Variants in ZFR2 observed in about 807,000 individuals in gnomAD.
The protein encoded by ZFR2 is zinc finger RNA binding protein 2.
A neutral mutation model predicts 105.7 loss-of-function variants in ZFR2; 104 were observed. The observed-to-expected ratio is 0.98, with a 90% CI of 0.84 to 1.16. The LOEUF is 1.16. ZFR2 is among the 50% of genes most tolerant of loss of function. The probability of loss-of-function intolerance (pLI) is 0.00; values close to 1 mark genes in which losing one functional copy is unlikely to be tolerated. For synonymous variants in ZFR2, 634 were observed against 597.7 expected (o/e 1.06, Z -0.89); for missense variants, 1,425 against 1,355.5 (o/e 1.05, Z -0.80).
chr19:3,804,883 T>G lies in ZFR2; in HGVS notation c.*1066A>C, dbSNP rs2037680806. 6.5e-6 allele frequency: 1 copy of G among 153,342 alleles called. No individual in the cohort carries two copies. The highest frequency in any genetic ancestry group is 2.0e-4 in the South Asian group (1 of 4,974). 9.5% of individuals were successfully genotyped at this position (153,342 alleles called of 1,614,324 possible). The stretch of plus-strand genomic sequence containing the variant: ...AAAGTTTTGTTTGTTTGTTTGTTTG[T>G]TTGTTTGTTTCTTTGAGACAGGGTC... On this transcript the variant is annotated 3_prime_UTR_variant, in exon 19 of 19. Transcript: ENST00000262961.
chr19:3,865,279 G>A (rs1484845231), intron 1 of ZFR2, among the ~76,000 whole-genome samples: 1 of 152,166 alleles, frequency 6.6e-6, no homozygotes, highest in Non-Finnish European at 1.5e-5. Context: ...CAATTAAGCA[G>A]TTCAGATACC....
intron 17 of ZFR2, among the ~76,000 whole-genome samples, chr19:3,808,200 T>C (rs1197289151): frequency 2.7e-5 from 4 of 146,034 alleles, no homozygotes; most frequent in South Asian, 2.2e-4. Context: ...CGTGCCTGTG[T>C]ATGTGCGTGT....
intron 1 of ZFR2, among the ~76,000 whole-genome samples, chr19:3,852,919 T>C (rs1381775863): frequency 6.6e-6 from 1 of 152,198 alleles, no homozygotes; most frequent in Non-Finnish European, 1.5e-5. Flanking sequence ...CCAGGGACGC[T>C]GTTCAGCACC....
intron 1 of ZFR2, among the ~76,000 whole-genome samples, chr19:3,853,796 G>A (rs1005991841): frequency 6.6e-6 from 1 of 152,038 alleles, no homozygotes; most frequent in African/African-American, 2.4e-5. Context: ...GGCTGGGTGT[G>A]GTGGCTCACA....
intron 1 of ZFR2, among the ~76,000 whole-genome samples, chr19:3,851,194 C>G (rs1426208581): frequency 6.6e-6 from 1 of 152,124 alleles, no homozygotes; most frequent in Non-Finnish European, 1.5e-5. Context: ...GGACACGAGA[C>G]ACACAGGGGC....
chr19:3,810,922 C>T lies in ZFR2; in HGVS notation c.2338-77G>A, dbSNP rs568526640. The T allele has an allele frequency of 1.2e-3, 1,791 of 1,475,268 alleles. 2 individuals are homozygous for T. The highest frequency in any genetic ancestry group is 1.6e-3 in the Non-Finnish European group (1,681 of 1,083,374). 91.4% of individuals were successfully genotyped at this position (1,475,268 alleles called of 1,614,324 possible). On this transcript the variant is annotated intron_variant, in intron 15 of 18. Coordinates refer to ENST00000262961, the MANE Select transcript of ZFR2 (RefSeq NM_015174.2). ...GCATGGCGCCGGGCTCTGTCGTGAG[C>T]GTGAACCCCAGGGAGGATAATAGGG...
In ZFR2 at chr19:3,823,274, T is replaced by A; in HGVS notation, c.1343A>T (p.Gln448Leu). ...CTCCACATATTCCGGGCCCACCGGC[T>A]GCGCATCAGAGCAGCCCGCGGGAGC... Reference protein sequence around the residue: ...KEAPAGCSDAQPVGPEYVEEV... With the variant: ...KEAPAGCSDALPVGPEYVEEV... The change falls in exon 8 of 19, where the codon CAG becomes CTG. Residue 448 changes from glutamine (Q) to leucine (L), a missense_variant. Physicochemically the swap from Gln to Leu is moderately radical, Grantham distance 113. Coordinates refer to ENST00000262961, the MANE Select transcript of ZFR2 (RefSeq NM_015174.2). The surrounding 1 kb of genome is among the most constrained non-coding windows in gnomAD (Gnocchi z 5.4). The A allele has an allele frequency of 6.2e-7, 1 of 1,613,984 alleles. No individual in the cohort carries two copies. Among genetic ancestry groups the A allele is most frequent in the South Asian group, 1.1e-5 (1 of 91,088 alleles).
At chr19:3,847,511 G>T (rs559974733) in intron 1 of ZFR2, among the ~76,000 whole-genome samples, 1 of 152,010 alleles carries the variant, frequency 6.6e-6, no homozygotes, top group East Asian at 1.9e-4. Context: ...GCAACAGAGC[G>T]AGACTCCTTC....
chr19:3,840,801 G>C lies in ZFR2; in HGVS notation c.54-5818C>G, dbSNP rs183159572. Among the ~76,000 whole-genome samples, 411 of 152,298 alleles carry C rather than the reference G, an allele frequency of 2.7e-3. 3 individuals carry two copies. The highest frequency in any genetic ancestry group is 9.6e-3 in the African/African-American group (397 of 41,558). ...CCTGCTTCAGCCTCCCAAAGTGCTGGGATTACAGGCCTAAGCTAGGCTGAG... is the reference window on the plus strand; with the variant it reads ...CCTGCTTCAGCCTCCCAAAGTGCTGCGATTACAGGCCTAAGCTAGGCTGAG... On this transcript the variant is annotated intron_variant, in intron 1 of 18. Coordinates refer to ENST00000262961, the MANE Select transcript of ZFR2 (RefSeq NM_015174.2).
intron 8 of ZFR2, among the ~76,000 whole-genome samples, chr19:3,822,805 G>A (rs943288279): frequency 1.3e-5 from 2 of 152,170 alleles, no homozygotes; most frequent in South Asian, 2.1e-4. Context: ...CTGAACTGCC[G>A]CTGGCCTGGG....
In ZFR2 at chr19:3,834,544, C is replaced by T. The variant is rs1421171226; in HGVS notation, c.264+229G>A. On this transcript the variant is annotated intron_variant, in intron 2 of 18. Coordinates refer to ENST00000262961, the MANE Select transcript of ZFR2 (RefSeq NM_015174.2). This position sits in a 1 kb window ranked among gnomAD's most constrained non-coding sequence, Gnocchi z 5.3. ...GCCGTCACTGTCCCCACTGCCCCGACGTGGAGGTACGCATGCGGCCTGTCC... is the reference window on the plus strand; with the variant it reads ...GCCGTCACTGTCCCCACTGCCCCGATGTGGAGGTACGCATGCGGCCTGTCC... Among the ~76,000 whole-genome samples the T allele has an allele frequency of 2.6e-5, 4 of 152,094 alleles. No individual in the cohort carries two copies. Among genetic ancestry groups the T allele is most frequent in the African/African-American group, 9.7e-5 (4 of 41,426 alleles).
chr19:3,847,914 C>G (rs769807036), intron 1 of ZFR2, among the ~76,000 whole-genome samples: 1 of 152,146 alleles, frequency 6.6e-6, no homozygotes, highest in Non-Finnish European at 1.5e-5. Context: ...AGGAGAGGGG[C>G]GGAGTCCAAA....
chr19:3,819,615 A>C (rs1296175746), intron 11 of ZFR2, among the ~76,000 whole-genome samples: 1 of 152,082 alleles, frequency 6.6e-6, no homozygotes, highest in African/African-American at 2.4e-5. Context: ...GCACTTAGGG[A>C]GGCCGAGGCG....
At position 3,813,899 on chromosome 19, in the gene ZFR2, G is replaced by C; in HGVS notation, c.2163C>G (p.Ser721=). ...SSDPEANIVI[S]SCEEPRMQVT... is the part of the protein sequence containing the mutation. ...CCTGCATCCTGGGCTCCTCACAGGA[G>C]GAGATGACAATGTTGGCTTCAGGGT... The change falls in exon 14 of 19, where the codon TCC becomes TCG. Residue 721 remains serine (S), a synonymous_variant. Transcript: ENST00000262961. The surrounding 1 kb of genome is among the most constrained non-coding windows in gnomAD (Gnocchi z 4.4). 1 of 1,613,966 alleles carries C rather than the reference G, an allele frequency of 6.2e-7. No individual in the cohort carries two copies. The highest frequency in any genetic ancestry group is 1.1e-5 in the South Asian group (1 of 91,086).
At chr19:3,852,634 A>G (rs1234969822) in intron 1 of ZFR2, 2 of 717,628 alleles carry the variant, frequency 2.8e-6, no homozygotes, top group East Asian at 5.4e-5. Context: ...TAGCAAGGAC[A>G]TGGTGGGAAG....
intron 6 of ZFR2, among the ~76,000 whole-genome samples, chr19:3,826,309 T>C (rs1295785396): frequency 6.6e-6 from 1 of 151,702 alleles, no homozygotes; most frequent in Non-Finnish European, 1.5e-5. Context: ...AGAAGCCAGG[T>C]CCTCAGCCAG....
chr19:3,855,699 G>C (rs2038290464), intron 1 of ZFR2: 4 of 363,816 alleles, frequency 1.1e-5, no homozygotes, highest in Non-Finnish European at 2.0e-5. Flanking sequence ...TGGCGGGCCT[G>C]GTGGGTGAGG....
chr19:3,859,716 A>G (rs1000873130), intron 1 of ZFR2, among the ~76,000 whole-genome samples: 2 of 152,156 alleles, frequency 1.3e-5, no homozygotes. Context: ...TCAGGGAGAG[A>G]GTTTTCAAGT....
chr19:3,820,320 T>G, intron 10 of ZFR2, 30 bp from the exon 11 acceptor site: 1 of 1,531,336 alleles, frequency 6.5e-7, no homozygotes, highest in Non-Finnish European at 8.8e-7. Context: ...CAGAGCATGG[T>G]CAGGCCAGCA....
Sources: gnomAD v4.1 joint callset for allele counts (sites outside exome capture counted in the v4.1 genomes callset) on GRCh38, gnomAD v4.1.1 for gene constraint, Gnocchi (gnomAD v3.1) non-coding constraint, MANE v1.5 for transcripts, NCBI Gene and HGNC (gene_info 2026-07-23, HGNC 2026-07-21) for gene names.